DPYD: variants seen among roughly 807,000 people sequenced by gnomAD.
DPYD encodes the protein dihydropyrimidine dehydrogenase [NADP(+)].
DPYD carries 109 observed loss-of-function variants against 116.2 expected under a neutral mutation model. The observed-to-expected ratio is 0.94, with a 90% CI of 0.80 to 1.10. The LOEUF (loss-of-function observed/expected upper bound fraction) is 1.10. Among genes scored for constraint, DPYD ranks in the 50% least tolerant of loss-of-function variants. DPYD has a pLI of 0.00. For synonymous variants in DPYD, 440 were observed against 432.0 expected, an observed-to-expected ratio of 1.02 and a Z score of -0.23; for missense variants, 1,302 against 1,254.5, an observed-to-expected ratio of 1.04 and a Z score of -0.57.
intron 14 of DPYD, among the ~76,000 whole-genome samples, chr1:97,426,127 AAAT>A (rs1674854935): frequency 6.6e-6 from 1 of 151,996 alleles, no homozygotes; most frequent in Non-Finnish European, 1.5e-5. Flanking sequence ...GCAGAATCAG[AAAT>A]TGGCTTAGAA....
intron 8 of DPYD, among the ~76,000 whole-genome samples, chr1:97,639,139 T>C (rs1285180538): frequency 6.6e-6 from 1 of 152,152 alleles, no homozygotes; most frequent in Non-Finnish European, 1.5e-5. Context: ...CAACCAGCAC[T>C]ACCCATTTGC....
At chr1:97,528,939 T>C (rs1649354480) in intron 12 of DPYD, among the ~76,000 whole-genome samples, 1 of 152,166 alleles carries the variant, frequency 6.6e-6, no homozygotes, top group Non-Finnish European at 1.5e-5. Flanking sequence ...TTGTTAATAT[T>C]CAACTTTTCA....
intron 20 of DPYD, among the ~76,000 whole-genome samples, chr1:97,146,516 G>A (rs1654643919): frequency 6.6e-6 from 1 of 152,178 alleles, no homozygotes. Flanking sequence ...AACATTCAGG[G>A]TTATTTGTTT....
chr1:97,514,003 G>T (rs1285612331), intron 13 of DPYD, among the ~76,000 whole-genome samples: 1 of 151,780 alleles, frequency 6.6e-6, no homozygotes, highest in Non-Finnish European at 1.5e-5. Flanking sequence ...ATATTTTGTT[G>T]TACCCACCAT....
chr1:97,857,834 G>C (rs1670924693), intron 2 of DPYD, among the ~76,000 whole-genome samples: 1 of 152,026 alleles, frequency 6.6e-6, no homozygotes. Context: ...GTGTCTGAAA[G>C]GGGTGCAGTC....
At chr1:97,468,020 A>T (rs1677427133) in intron 13 of DPYD, among the ~76,000 whole-genome samples, 1 of 152,158 alleles carries the variant, frequency 6.6e-6, no homozygotes, top group Non-Finnish European at 1.5e-5. Context: ...TCAGATGATA[A>T]ATATTTTAGA....
intron 2 of DPYD, among the ~76,000 whole-genome samples, chr1:97,867,637 T>A (rs1387117491): frequency 6.6e-6 from 1 of 151,950 alleles, no homozygotes; most frequent in South Asian, 2.1e-4. Context: ...ATCATCTCAA[T>A]TGATGCAGGA....
chr1:97,362,336 A>G (rs184076335), intron 16 of DPYD, among the ~76,000 whole-genome samples: 16 of 152,364 alleles, frequency 1.1e-4, no homozygotes, highest in Admixed American at 4.6e-4. Flanking sequence ...TTCCATGCTC[A>G]GGGATAGGAA....
chr1:97,912,340 T>C (rs1053129501), intron 1 of DPYD, among the ~76,000 whole-genome samples: 1 of 152,040 alleles, frequency 6.6e-6, no homozygotes, highest in Non-Finnish European at 1.5e-5. Context: ...ACAAGGTAAA[T>C]GTATGATAAT....
At chr1:97,315,442 T>C (rs1463573113) in intron 16 of DPYD, among the ~76,000 whole-genome samples, 1 of 151,980 alleles carries the variant, frequency 6.6e-6, no homozygotes, top group South Asian at 2.1e-4. Flanking sequence ...CAGGGTCCAA[T>C]GGCTCCCCTT....
intron 8 of DPYD, among the ~76,000 whole-genome samples, chr1:97,641,891 A>G (rs905405674): frequency 6.6e-6 from 1 of 152,052 alleles, no homozygotes; most frequent in African/African-American, 2.4e-5. Flanking sequence ...TGATAAGCAA[A>G]TTCAGCAAAG....
At chr1:97,223,196 T>C (rs952481523) in intron 19 of DPYD, among the ~76,000 whole-genome samples, 1 of 152,086 alleles carries the variant, frequency 6.6e-6, no homozygotes, top group Non-Finnish European at 1.5e-5. Context: ...AAAATTCCAT[T>C]TAGCTTGAAC....
At chr1:97,558,159 C>G (rs1157788033) in intron 11 of DPYD, among the ~76,000 whole-genome samples, 1 of 152,138 alleles carries the variant, frequency 6.6e-6, no homozygotes, top group Non-Finnish European at 1.5e-5. Context: ...TCCAATGAAA[C>G]CTTTTTCCCC....
chr1:97,395,139 T>G (rs979201720), intron 14 of DPYD, among the ~76,000 whole-genome samples: 1 of 151,570 alleles, frequency 6.6e-6, no homozygotes, highest in East Asian at 1.9e-4. Context: ...TTTGCATTTT[T>G]CTGCTATGAC....
At chr1:97,172,456 G>A (rs577387939) in intron 20 of DPYD, among the ~76,000 whole-genome samples, 1 of 152,240 alleles carries the variant, frequency 6.6e-6, no homozygotes, top group Non-Finnish European at 1.5e-5. Flanking sequence ...TTGATAACCT[G>A]CCATAAAACT....
At chr1:97,438,318 A>T (rs774636287) in intron 14 of DPYD, among the ~76,000 whole-genome samples, 5 of 152,058 alleles carry the variant, frequency 3.3e-5, no homozygotes, top group Non-Finnish European at 7.4e-5. Flanking sequence ...AAGACTTGGC[A>T]TCTTAACAAT....
chr1:97,082,794 A>G (rs1220163719), intron 21 of DPYD, among the ~76,000 whole-genome samples: 1 of 152,134 alleles, frequency 6.6e-6, no homozygotes, highest in African/African-American at 2.4e-5. Context: ...GTTATGGCTA[A>G]CTTTTTCTCA....
intron 10 of DPYD, among the ~76,000 whole-genome samples, chr1:97,588,395 C>T (rs917251227): frequency 5.9e-5 from 9 of 151,994 alleles, no homozygotes; most frequent in Non-Finnish European, 1.3e-4. Flanking sequence ...TTGAAACCAT[C>T]CTCTTCTCGG....
At chr1:97,442,396 G>A (rs1000648658) in intron 14 of DPYD, among the ~76,000 whole-genome samples, 1 of 150,198 alleles carries the variant, frequency 6.7e-6, no homozygotes, top group Non-Finnish European at 1.5e-5. Context: ...AAAGAACTAC[G>A]AATGTCCTAT....
Sources: gnomAD v4.1 joint callset for allele counts (sites outside exome capture counted in the v4.1 genomes callset) on GRCh38, gnomAD v4.1.1 for gene constraint, MANE v1.5 for transcripts, NCBI Gene and HGNC (gene_info 2026-07-23, HGNC 2026-07-21) for gene names.